The following SUGCT variants were observed in gnomAD, a reference collection of about 807,000 sequenced individuals.
SUGCT encodes the protein succinyl-CoA:glutarate CoA-transferase.
In SUGCT, 41 loss-of-function variants were observed where a neutral mutation model predicts 55.0. The observed-to-expected ratio is 0.74, with a 90% CI of 0.58 to 0.97. The LOEUF (loss-of-function observed/expected upper bound fraction) is 0.97. SUGCT is among the 50% of genes least tolerant of loss of function. SUGCT has a pLI of 0.00. For synonymous variants in SUGCT, 187 were observed against 200.4 expected (o/e 0.93, Z 0.56); for missense variants, 568 against 547.8 (o/e 1.04, Z -0.37).
the SUGCT span, among the ~76,000 whole-genome samples, chr7:40,876,280 C>A: frequency 6.6e-6 from 1 of 152,122 alleles, no homozygotes; most frequent in Non-Finnish European, 1.5e-5. Context: ...CTCAGGTGGG[C>A]AAATTGAAAA....
intron 12 of SUGCT, among the ~76,000 whole-genome samples, chr7:40,525,942 A>G (rs1346955854): frequency 6.6e-6 from 1 of 152,182 alleles, no homozygotes; most frequent in African/African-American, 2.4e-5. Flanking sequence ...TCTGCCATCC[A>G]TCTTGTCTCC....
intron 12 of SUGCT, among the ~76,000 whole-genome samples, chr7:40,667,719 T>A (rs1010203864): frequency 2.6e-5 from 4 of 152,092 alleles, no homozygotes; most frequent in Non-Finnish European, 5.9e-5. Flanking sequence ...CTCTAGATTT[T>A]TTAGTTTGTA....
chr7:40,999,607 T>C, the SUGCT span, among the ~76,000 whole-genome samples: 1 of 152,232 alleles, frequency 6.6e-6, no homozygotes, highest in African/African-American at 2.4e-5. Context: ...AGAATGCTGC[T>C]ACTTTTGCTT....
the SUGCT span, among the ~76,000 whole-genome samples, chr7:40,880,616 A>G: frequency 6.6e-6 from 1 of 152,222 alleles, no homozygotes; most frequent in Non-Finnish European, 1.5e-5. Flanking sequence ...CATAGCTACT[A>G]TATTTATTTT....
At chr7:40,774,242 A>G (rs1157441790) in intron 13 of SUGCT, among the ~76,000 whole-genome samples, 2 of 152,228 alleles carry the variant, frequency 1.3e-5, no homozygotes, top group African/African-American at 2.4e-5. Flanking sequence ...AGGAAATTCT[A>G]TTAAATAGAT....
intron 7 of SUGCT, among the ~76,000 whole-genome samples, chr7:40,263,093 T>A (rs1476372572): frequency 2.6e-5 from 4 of 152,142 alleles, no homozygotes; most frequent in African/African-American, 9.7e-5. Flanking sequence ...TGGCTAATTT[T>A]TGTATTTTTA....
the SUGCT span, among the ~76,000 whole-genome samples, chr7:40,877,250 C>G: frequency 3.3e-5 from 5 of 152,124 alleles, no homozygotes; most frequent in Non-Finnish European, 7.4e-5. Flanking sequence ...TTAGCAAGTG[C>G]TAAGAATACC....
intron 10 of SUGCT, among the ~76,000 whole-genome samples, chr7:40,456,060 C>T (rs550594019): frequency 1.3e-5 from 2 of 152,206 alleles, no homozygotes; most frequent in African/African-American, 2.4e-5. Flanking sequence ...GAGTCTTGCT[C>T]TATTGCCCAG....
chr7:40,625,826 G>C (rs547337173), intron 12 of SUGCT, among the ~76,000 whole-genome samples: 3 of 152,060 alleles, frequency 2.0e-5, no homozygotes, highest in African/African-American at 7.3e-5. Flanking sequence ...GAACAGTCAG[G>C]GTCCATGTGC....
the SUGCT span, among the ~76,000 whole-genome samples, chr7:40,951,529 C>G: frequency 1.5e-3 from 222 of 152,242 alleles, 3 homozygotes; most frequent in African/African-American, 5.1e-3. Context: ...TTCTCTAGTT[C>G]TTTTAATTGT....
At chr7:40,987,661 A>G in the SUGCT span, among the ~76,000 whole-genome samples, 1 of 152,230 alleles carries the variant, frequency 6.6e-6, no homozygotes, top group Non-Finnish European at 1.5e-5. Flanking sequence ...GGAAGCAATG[A>G]TGAAGGAGGC....
intron 12 of SUGCT, among the ~76,000 whole-genome samples, chr7:40,737,766 A>G (rs1372215427): frequency 6.6e-6 from 1 of 152,106 alleles, no homozygotes; most frequent in Non-Finnish European, 1.5e-5. Context: ...TTTCGTCTTG[A>G]TATAAAAATT....
At chr7:40,571,552 G>A (rs1449778461) in intron 12 of SUGCT, among the ~76,000 whole-genome samples, 2 of 152,140 alleles carry the variant, frequency 1.3e-5, no homozygotes, top group Non-Finnish European at 2.9e-5. Context: ...TATCTCTTAA[G>A]GGAGAAGCTG....
In SUGCT at chr7:40,768,225, CTGCT is replaced by C. The variant is rs1458505602; in HGVS notation, c.1153+18730_1153+18733del. On this transcript the variant is annotated intron_variant, in intron 13 of 13. Transcript: ENST00000335693. ...AGATTCCATAGTCAGGGGCCTCAGG[CTGCT>C]TCACTACCTATTTCTTAGAACTCTG... Among the ~76,000 whole-genome samples the C allele has an allele frequency of 1.2e-4, 18 of 152,258 alleles. No individual in the cohort carries two copies. In the South Asian group the frequency reaches 2.9e-3, roughly 25 times the overall value.
chr7:40,589,919 A>G (rs1797620871), intron 12 of SUGCT, among the ~76,000 whole-genome samples: 1 of 152,156 alleles, frequency 6.6e-6, no homozygotes, highest in Non-Finnish European at 1.5e-5. Context: ...TCACTTAATT[A>G]CAGTGTGCAG....
chr7:40,729,364 T>G (rs1318188599), intron 12 of SUGCT, among the ~76,000 whole-genome samples: 1 of 152,214 alleles, frequency 6.6e-6, no homozygotes, highest in African/African-American at 2.4e-5. Context: ...ACCAACATCA[T>G]AAATTCTATA....
intron 12 of SUGCT, among the ~76,000 whole-genome samples, chr7:40,625,294 C>T (rs1354882169): frequency 6.6e-6 from 1 of 152,090 alleles, no homozygotes; most frequent in East Asian, 1.9e-4. Flanking sequence ...ACTTCACTCC[C>T]ACAGAGAACT....
At chr7:40,769,688 A>G (rs78100575) in intron 13 of SUGCT, among the ~76,000 whole-genome samples, 5,986 of 152,342 alleles carry the variant, frequency 0.039, 121 homozygotes, top group Middle Eastern at 0.054. Context: ...CTTTAGCCTA[A>G]TGAAACGCAT....
intron 12 of SUGCT, among the ~76,000 whole-genome samples, chr7:40,709,674 G>A (rs932583620): frequency 1.3e-5 from 2 of 152,198 alleles, no homozygotes; most frequent in Non-Finnish European, 2.9e-5. Context: ...CAGAGTACAA[G>A]TGCATTGGCT....
Sources: allele counts gnomAD v4.1 joint callset (sites outside exome capture counted in the v4.1 genomes callset), GRCh38; gene constraint gnomAD v4.1.1; transcripts MANE v1.5; gene names NCBI Gene and HGNC (gene_info 2026-07-23, HGNC 2026-07-21).